Variants in ROBO1 observed in about 807,000 individuals in gnomAD.
ROBO1 encodes roundabout homolog 1.
ROBO1 carries 149 observed loss-of-function variants against 195.9 expected under a neutral mutation model. The ratio of observed to expected loss-of-function variants is 0.76; its 90% CI spans 0.67 to 0.87. ROBO1 has a LOEUF of 0.87. Among genes scored for constraint, ROBO1 ranks in the 40% least tolerant of loss-of-function variants. The pLI is 0.00. For synonymous variants in ROBO1, 816 were observed against 733.2 expected (o/e 1.11, Z -1.82); for missense variants, 1,933 against 2,068.3 (o/e 0.93, Z 1.27).
chr3:79,639,768 T>C (rs1039007299), intron 1 of ROBO1, among the ~76,000 whole-genome samples: 1 of 152,202 alleles, frequency 6.6e-6, no homozygotes, highest in Non-Finnish European at 1.5e-5. Context: ...AGAAAAGTTC[T>C]GGGGATTAAA....
intron 2 of ROBO1, among the ~76,000 whole-genome samples, chr3:79,267,440 A>C (rs145373136): frequency 1.3e-5 from 2 of 151,410 alleles, no homozygotes; most frequent in Non-Finnish European, 3.0e-5. Context: ...AATTGTACCT[A>C]GTTATGTGAT....
intron 1 of ROBO1, among the ~76,000 whole-genome samples, chr3:79,682,927 A>G (rs1472787002): frequency 3.3e-5 from 5 of 152,118 alleles, no homozygotes; most frequent in Non-Finnish European, 5.9e-5. Context: ...AAGTGAAACA[A>G]TGAATTAAAA....
chr3:78,740,771 C>T (rs1270024557), intron 5 of ROBO1, among the ~76,000 whole-genome samples: 1 of 152,058 alleles, frequency 6.6e-6, no homozygotes, highest in East Asian at 1.9e-4. Flanking sequence ...CCGCGCCTGG[C>T]AAAAGGAACT....
intron 2 of ROBO1, among the ~76,000 whole-genome samples, chr3:79,488,759 A>G (rs1939291513): frequency 6.6e-6 from 1 of 152,206 alleles, no homozygotes; most frequent in Non-Finnish European, 1.5e-5. Flanking sequence ...AAGTTAGGAA[A>G]AAAGCAAATA....
At chr3:79,361,866 A>C (rs971914301) in intron 2 of ROBO1, among the ~76,000 whole-genome samples, 45 of 152,238 alleles carry the variant, frequency 3.0e-4, no homozygotes, top group African/African-American at 1.1e-3. Context: ...ATAATTAGAA[A>C]ATTTTAATAT....
intron 2 of ROBO1, among the ~76,000 whole-genome samples, chr3:79,556,428 G>A (rs184982711): frequency 3.7e-4 from 57 of 152,120 alleles, no homozygotes; most frequent in African/African-American, 1.3e-3. Context: ...TGGTTTGCTA[G>A]TTATTGGTAA....
At chr3:79,138,652 A>C (rs1473039574) in intron 2 of ROBO1, among the ~76,000 whole-genome samples, 1 of 151,868 alleles carries the variant, frequency 6.6e-6, no homozygotes, top group Non-Finnish European at 1.5e-5. Flanking sequence ...TTCTTGTTAA[A>C]GGGGATGATT....
intron 10 of ROBO1, 96 bp from the exon 11 acceptor site, chr3:78,670,397 T>A: frequency 1.0e-6 from 1 of 964,684 alleles, no homozygotes. Context: ...TGAAACAAAC[T>A]AAAGATAATT....
At chr3:79,032,959 C>A (rs1286832794) in intron 3 of ROBO1, among the ~76,000 whole-genome samples, 1 of 151,800 alleles carries the variant, frequency 6.6e-6, no homozygotes. Flanking sequence ...CTAGATGGGA[C>A]CTTAGAAAAT....
intron 3 of ROBO1, among the ~76,000 whole-genome samples, chr3:78,976,012 T>G (rs1383942052): frequency 6.6e-6 from 1 of 152,210 alleles, no homozygotes; most frequent in Non-Finnish European, 1.5e-5. Context: ...TTTGTTCTTT[T>G]GTTAATTGTG....
intron 4 of ROBO1, among the ~76,000 whole-genome samples, chr3:78,825,779 C>T (rs2031539593): frequency 1.3e-5 from 2 of 152,270 alleles, no homozygotes; most frequent in Non-Finnish European, 2.9e-5. Context: ...GTGATATTCT[C>T]TCTGGGACAA....
At chr3:79,221,343 C>T (rs142435786) in intron 2 of ROBO1, among the ~76,000 whole-genome samples, 1 of 152,136 alleles carries the variant, frequency 6.6e-6, no homozygotes, top group South Asian at 2.1e-4. Flanking sequence ...GAAGAAAATA[C>T]ACTTTTACAT....
intron 2 of ROBO1, among the ~76,000 whole-genome samples, chr3:79,537,305 T>TCC (rs1941909526): frequency 6.6e-6 from 1 of 151,982 alleles, no homozygotes; most frequent in Non-Finnish European, 1.5e-5. Context: ...AACAAATCGT[T>TCC]TATTTGGAAG....
At chr3:78,734,316 G>C (rs1364931462) in intron 5 of ROBO1, among the ~76,000 whole-genome samples, 4 of 151,710 alleles carry the variant, frequency 2.6e-5, no homozygotes, top group African/African-American at 9.7e-5. Context: ...AACTGTTTTG[G>C]GTCTGAGTGT....
rs1272404722 is a variant in ROBO1 at position 79,071,113 on chromosome 3, CAT to C, written c.172+54341_172+54342del. Reference sequence around the variant, plus strand: ...ACTCTCTCAGCAATTTTCATGTGTACATGTTATTATTAACTATAGTCATCATG... The same window carrying C: ...ACTCTCTCAGCAATTTTCATGTGTACGTTATTATTAACTATAGTCATCATG... On this transcript the variant is annotated intron_variant, in intron 3 of 30. Coordinates refer to ENST00000464233, the MANE Select transcript of ROBO1 (RefSeq NM_002941.4). 2.0e-5 allele frequency among the ~76,000 whole-genome samples: 3 copies of C among 151,872 alleles called. No homozygotes were observed. The East Asian group carries it at 5.8e-4, about 30-fold the overall frequency.
chr3:79,607,895 T>G (rs1944539737), intron 1 of ROBO1, among the ~76,000 whole-genome samples: 1 of 152,010 alleles, frequency 6.6e-6, no homozygotes, highest in African/African-American at 2.4e-5. Flanking sequence ...ACCAGGATGT[T>G]GAATATTTGC....
intron 4 of ROBO1, among the ~76,000 whole-genome samples, chr3:78,775,402 A>C (rs1404794400): frequency 1.3e-5 from 2 of 152,224 alleles, no homozygotes; most frequent in African/African-American, 4.8e-5. Context: ...ATTCTATTAA[A>C]TATATTTCTA....
intron 4 of ROBO1, among the ~76,000 whole-genome samples, chr3:78,833,039 G>A (rs1220952846): frequency 6.6e-6 from 1 of 152,082 alleles, no homozygotes; most frequent in Non-Finnish European, 1.5e-5. Context: ...TTATCCTGTA[G>A]GTAATTAGAA....
chr3:79,138,139 A>AT (rs1387278444), intron 2 of ROBO1, among the ~76,000 whole-genome samples: 1 of 152,028 alleles, frequency 6.6e-6, no homozygotes, highest in Non-Finnish European at 1.5e-5. Flanking sequence ...ATACATTGAG[A>AT]TTTTTTTGAT....
Sources: gnomAD v4.1 joint callset for allele counts (sites outside exome capture counted in the v4.1 genomes callset) on GRCh38, gnomAD v4.1.1 for gene constraint, MANE v1.5 for transcripts, NCBI Gene and HGNC (gene_info 2026-07-23, HGNC 2026-07-21) for gene names.